WDR7: variants seen among roughly 807,000 people sequenced by gnomAD.
WDR7 encodes the protein WD repeat domain 7, also known as WD repeat-containing protein 7.
In WDR7, 46 loss-of-function variants were observed where a neutral mutation model predicts 169.4. The ratio of observed to expected loss-of-function variants is 0.27; its 90% CI spans 0.21 to 0.35. WDR7 has a LOEUF of 0.35. Ranked by LOEUF, WDR7 falls within the 10% of genes least tolerant of loss-of-function variation. The pLI is 1.00. For missense variants in WDR7, 1,534 were observed against 1,859.3 expected (o/e 0.83, Z 3.22); for synonymous variants, 612 against 666.8 (o/e 0.92, Z 1.27).
chr18:56,942,543 T>A (rs1599177951), intron 25 of WDR7, among the ~76,000 whole-genome samples: 1 of 152,254 alleles, frequency 6.6e-6, no homozygotes, highest in African/African-American at 2.4e-5. Context: ...AACATTTTTA[T>A]TAATCTTTCT....
At chr18:56,984,220 G>A (rs2047683255) in intron 26 of WDR7, among the ~76,000 whole-genome samples, 2 of 152,116 alleles carry the variant, frequency 1.3e-5, no homozygotes, top group East Asian at 3.9e-4. Context: ...CAGAATGATG[G>A]ATGTGATGAA....
intron 16 of WDR7, among the ~76,000 whole-genome samples, chr18:56,769,934 A>G (rs62101715): frequency 8.5e-5 from 13 of 152,078 alleles, no homozygotes; most frequent in African/African-American, 2.9e-4. Flanking sequence ...ATTTTTTTTA[A>G]TTGGTGTACA....
intron 21 of WDR7, among the ~76,000 whole-genome samples, chr18:56,890,181 A>G (rs1296024679): frequency 1.3e-5 from 2 of 152,182 alleles, no homozygotes; most frequent in Admixed American, 1.3e-4. Context: ...ATAGTTACAG[A>G]TTAGTTCAGC....
At chr18:56,664,278 A>G (rs1216781261) in intron 1 of WDR7, among the ~76,000 whole-genome samples, 1 of 152,188 alleles carries the variant, frequency 6.6e-6, no homozygotes, top group Admixed American at 6.5e-5. Flanking sequence ...ACTAGAGTAC[A>G]TGAGGCCTTT....
rs1326053504 is a variant in WDR7, at chr18:57,029,660, A to AC, written c.*2454dup. 6.6e-6 allele frequency: 1 copy of AC among 151,702 alleles called. No individual in the cohort carries two copies. Among genetic ancestry groups the AC allele is most frequent in the East Asian group, 1.9e-4 (1 of 5,160 alleles). 9.4% of individuals were successfully genotyped at this position (151,702 alleles called of 1,614,324 possible). A position where few individuals can be genotyped will look rare whatever the true frequency, so the allele number is the denominator to read the frequency against. On this transcript the variant is annotated 3_prime_UTR_variant, in exon 28 of 28. Transcript: ENST00000254442. ...ACCTGTATGAAAATGTGATGATTGA[A>AC]CTCCCTGTGTACAGCGAGTGAATTA...
chr18:57,001,471 G>A (rs2047978455), intron 26 of WDR7, among the ~76,000 whole-genome samples: 1 of 152,020 alleles, frequency 6.6e-6, no homozygotes, highest in South Asian at 2.1e-4. Context: ...GTGGATCCAG[G>A]CAGGAGCAAC....
chr18:56,810,360 G>T (rs185342230), intron 19 of WDR7, among the ~76,000 whole-genome samples: 1 of 152,004 alleles, frequency 6.6e-6, no homozygotes, highest in Non-Finnish European at 1.5e-5. Context: ...GTTAGAAATC[G>T]CAAGTAGTCT....
chr18:56,664,790 G>T (rs566274129), intron 1 of WDR7, among the ~76,000 whole-genome samples: 2 of 152,184 alleles, frequency 1.3e-5, no homozygotes, highest in African/African-American at 4.8e-5. Context: ...AACATAGGCT[G>T]TACAAATGAA....
chr18:57,018,513 C>T (rs986411824), intron 26 of WDR7, among the ~76,000 whole-genome samples: 5 of 152,236 alleles, frequency 3.3e-5, no homozygotes, highest in East Asian at 3.8e-4. Flanking sequence ...CTCACCACCA[C>T]TCAGCCCTGG....
intron 26 of WDR7, among the ~76,000 whole-genome samples, chr18:56,982,958 A>C (rs2047667134): frequency 6.6e-6 from 1 of 152,212 alleles, no homozygotes; most frequent in Non-Finnish European, 1.5e-5. Flanking sequence ...TAAGAGAAAA[A>C]TAGGCAAATC....
intron 19 of WDR7, among the ~76,000 whole-genome samples, chr18:56,785,009 AC>A (rs1402958795): frequency 1.3e-5 from 2 of 152,014 alleles, no homozygotes; most frequent in African/African-American, 2.4e-5. Flanking sequence ...CTTTTCTGGA[AC>A]TTCTACATTG....
At chr18:56,683,330 ATAT>A (rs1178228987) in intron 5 of WDR7, among the ~76,000 whole-genome samples, 1 of 152,206 alleles carries the variant, frequency 6.6e-6, no homozygotes, top group Admixed American at 6.5e-5. Context: ...TGCTCAATAA[ATAT>A]TATTATCTTT....
At chr18:57,021,423 G>A (rs750456291) in intron 27 of WDR7, among the ~76,000 whole-genome samples, 13 of 152,150 alleles carry the variant, frequency 8.5e-5, no homozygotes, top group Non-Finnish European at 1.6e-4. Context: ...AGGATAATAA[G>A]GTGTTTTCCT....
Position 56,696,387 on chromosome 18 carries a change from T to C in WDR7, c.1503T>C (p.Ser501=), listed in dbSNP as rs2025704842. ...DFSVIIWDIF[S]GEMKHIFCVH... Reference sequence around the variant, plus strand: ...CAGTCATAATTTGGGACATATTTTCTGGAGAAATGAAACATATCTTCTGTG... The same window carrying C: ...CAGTCATAATTTGGGACATATTTTCCGGAGAAATGAAACATATCTTCTGTG... The change falls in exon 12 of 28, where the codon TCT becomes TCC. Residue 501 remains serine (S), a synonymous_variant. Coordinates refer to ENST00000254442, the MANE Select transcript of WDR7 (RefSeq NM_015285.3). 1.2e-6 allele frequency: 2 copies of C among 1,614,160 alleles called. No homozygotes were observed. The highest frequency in any genetic ancestry group is 1.7e-6 in the Non-Finnish European group (2 of 1,180,016).
At chr18:56,746,946 A>C (rs1266787330) in intron 14 of WDR7, among the ~76,000 whole-genome samples, 1 of 152,140 alleles carries the variant, frequency 6.6e-6, no homozygotes, top group Admixed American at 6.5e-5. Context: ...GAGTGAGGGG[A>C]GAATTACCCC....
In WDR7 at chr18:56,731,544, C is replaced by T. The variant is rs373301449; in HGVS notation, c.1936C>T (p.His646Tyr). Residue 646 changes from histidine to tyrosine, a missense_variant, in exon 14 of 28, where the codon CAT becomes TAT. By Grantham distance (83) the His-to-Tyr change is moderately conservative. Transcript: ENST00000254442. ...TGCTGCTCTTAAAAATATGGCCCAT[C>T]ATAAGCTACAAACCCTTGCAACTAA... is the stretch of plus-strand genomic sequence containing the variant. Reference protein sequence around the residue: ...SLAALKNMAHHKLQTLATNLL... With the variant: ...SLAALKNMAHYKLQTLATNLL... 1.1e-5 allele frequency: 17 copies of T among 1,613,970 alleles called. No homozygotes were observed. The highest frequency in any genetic ancestry group is 1.4e-5 in the Non-Finnish European group (17 of 1,180,016).
intron 26 of WDR7, among the ~76,000 whole-genome samples, chr18:56,997,461 G>A (rs2047914378): frequency 6.6e-6 from 1 of 152,114 alleles, no homozygotes; most frequent in Admixed American, 6.5e-5. Context: ...AATATTATGT[G>A]GGTGGGTTGT....
chr18:56,927,364 T>C (rs922939741), intron 22 of WDR7, among the ~76,000 whole-genome samples: 2 of 152,096 alleles, frequency 1.3e-5, no homozygotes, highest in Non-Finnish European at 1.5e-5. Flanking sequence ...CCCAGCACTT[T>C]GGGAGGTTGA....
At chr18:56,834,360 G>T (rs913620229) in intron 20 of WDR7, among the ~76,000 whole-genome samples, 2 of 152,064 alleles carry the variant, frequency 1.3e-5, no homozygotes, top group African/African-American at 4.8e-5. Context: ...GTGGTATAAC[G>T]ATGTGACTCA....
Sources: allele counts gnomAD v4.1 joint callset (sites outside exome capture counted in the v4.1 genomes callset), GRCh38; gene constraint gnomAD v4.1.1; transcripts MANE v1.5; gene names NCBI Gene and HGNC (gene_info 2026-07-23, HGNC 2026-07-21).